Variants in ORC1 observed in about 807,000 individuals in gnomAD.
ORC1 encodes origin recognition complex subunit 1, also known as origin recognition complex, subunit 1 homolog.
ORC1 carries 61 observed loss-of-function variants against 98.9 expected under a neutral mutation model. The ratio of observed to expected loss-of-function variants is 0.62; its 90% CI spans 0.50 to 0.76. The LOEUF (loss-of-function observed/expected upper bound fraction) is 0.76, where lower values mean the gene tolerates loss of function less well. ORC1 is among the 30% of genes least tolerant of loss of function. The probability of loss-of-function intolerance (pLI) is 0.00; values close to 1 mark genes in which losing one functional copy is unlikely to be tolerated. For synonymous variants in ORC1, 385 were observed against 406.9 expected (o/e 0.95, Z 0.65); for missense variants, 979 against 1,072.2 (o/e 0.91, Z 1.21).
In ORC1 at chr1:52,388,443, CTCT is replaced by C. The variant is rs759670684; in HGVS notation, c.1379_1381del (p.Lys460del). 5.0e-6 allele frequency: 8 copies of C among 1,612,660 alleles called. No individual in the cohort carries two copies. The highest frequency in any genetic ancestry group is 2.7e-5 in the African/African-American group (2 of 74,922). ...GAAGTAAACCTAGAAGAACCTTACA[CTCT>C]TCTTTGGCACCTTCGTGAGGGTATG... On this transcript the variant is annotated inframe_deletion and splice_region_variant, in exon 8 of 17. Transcript: ENST00000371568.
At chr1:52,374,629 C>A (rs12046402) in intron 16 of ORC1, among the ~76,000 whole-genome samples, 181 bp downstream of exon 16, 5 of 152,188 alleles carry the variant, frequency 3.3e-5, no homozygotes, top group Non-Finnish European at 7.3e-5. Context: ...AGAAACCAGT[C>A]GCTAAAGGTC....
In ORC1 at chr1:52,388,541, T is replaced by G. The variant is rs776642973; in HGVS notation, c.1284A>C (p.Thr428=). The G allele has an allele frequency of 6.2e-7, 1 of 1,613,944 alleles. No homozygotes were observed. The highest frequency in any genetic ancestry group is 8.5e-7 in the Non-Finnish European group (1 of 1,179,836). ...TGGGTGCTCTCCTTGGAAGGGGCGG[T>G]GTGGAAGCCTCTTCTTCGTCACTGC... The part of the protein sequence containing the change: ...DSSSDEEEAS[T]PPLPRRAPRT... Residue 428 remains threonine (T), a synonymous_variant, in exon 8 of 17, where the codon ACA becomes ACC. Transcript: ENST00000371568.
intron 13 of ORC1, 44 bp downstream of exon 13, chr1:52,383,376 T>C (rs773578632): frequency 1.6e-5 from 26 of 1,610,264 alleles, no homozygotes; most frequent in Non-Finnish European, 9.3e-6. Context: ...TTGGCCAAGC[T>C]TACAGATCTG....
At chr1:52,375,336 T>C in intron 15 of ORC1, 94 bp downstream of exon 15, 1 of 1,079,900 alleles carries the variant, frequency 9.3e-7, no homozygotes. Flanking sequence ...CATAACTGTG[T>C]TATTAATAAG....
intron 13 of ORC1, 74 bp downstream of exon 13, chr1:52,383,346 G>A (rs1417300159): frequency 1.3e-6 from 2 of 1,578,784 alleles, no homozygotes; most frequent in African/African-American, 2.7e-5. Context: ...ACCACACCTG[G>A]ACCATTTTTG....
intron 14 of ORC1, among the ~76,000 whole-genome samples, chr1:52,376,534 C>T (rs1646997456): frequency 6.6e-6 from 1 of 151,970 alleles, no homozygotes; most frequent in African/African-American, 2.4e-5. Flanking sequence ...TAACCCAGGA[C>T]ACAAACATGA....
rs565934101 is a variant in ORC1 at position 52,387,021 on chromosome 1, T to C, written c.1384-1072A>G. Among the ~76,000 whole-genome samples, 13 of 152,312 alleles carry C rather than the reference T, an allele frequency of 8.5e-5. No homozygotes were observed. The South Asian group carries it at 2.1e-3, about 24-fold the overall frequency. On this transcript the variant is annotated intron_variant, in intron 8 of 16. Coordinates refer to ENST00000371568, the MANE Select transcript of ORC1 (RefSeq NM_004153.4). ...AAACAGAAAAGTGTTGACAAGGCCTTGCTGAGAAGGTATCAAGAAACCTGA... is the reference window on the plus strand; with the variant it reads ...AAACAGAAAAGTGTTGACAAGGCCTCGCTGAGAAGGTATCAAGAAACCTGA...
intron 5 of ORC1, among the ~76,000 whole-genome samples, chr1:52,395,280 A>G (rs1199354818): frequency 6.6e-6 from 1 of 152,208 alleles, no homozygotes; most frequent in Non-Finnish European, 1.5e-5. Flanking sequence ...GTGTGTCTGC[A>G]TATAGGTATA....
At chr1:52,378,084 C>T (rs1165057624) in intron 14 of ORC1, among the ~76,000 whole-genome samples, 1 of 152,172 alleles carries the variant, frequency 6.6e-6, no homozygotes, top group East Asian at 1.9e-4. Flanking sequence ...CGGTGGCTCA[C>T]GCCTGTAATC....
intron 6 of ORC1, among the ~76,000 whole-genome samples, chr1:52,392,318 T>C (rs1343413963): frequency 5.9e-5 from 9 of 152,104 alleles, no homozygotes; most frequent in East Asian, 1.9e-4. Context: ...TTAGTAGAGA[T>C]AGGGTTTCAC....
intron 14 of ORC1, among the ~76,000 whole-genome samples, chr1:52,381,159 G>A (rs116576281): frequency 0.01 from 1,523 of 152,148 alleles, 21 homozygotes; most frequent in African/African-American, 0.035. Context: ...GGAGGAGAGG[G>A]GCATCTAATA....
intron 11 of ORC1, 36 bp downstream of exon 11, chr1:52,384,514 C>G: frequency 6.3e-7 from 1 of 1,596,800 alleles, no homozygotes; most frequent in South Asian, 1.1e-5. Context: ...CACGAAGAAA[C>G]AGCATTTTCC....
At chr1:52,408,579 A>G, upstream of ORC1, 1 of 1,614,194 alleles carries the variant, frequency 6.2e-7, no homozygotes, top group Non-Finnish European at 8.5e-7. Context: ...GTATGTCCGC[A>G]TGCTGGGGGC....
chr1:52,397,114 C>G (rs188126455), intron 4 of ORC1, among the ~76,000 whole-genome samples: 4 of 152,160 alleles, frequency 2.6e-5, no homozygotes, highest in South Asian at 2.1e-4. Context: ...TCATGCCAGA[C>G]GAGAGTCTCT....
chr1:52,374,310 A>G (rs184942049), intron 16 of ORC1, among the ~76,000 whole-genome samples: 147 of 152,368 alleles, frequency 9.6e-4, no homozygotes, highest in African/African-American at 3.3e-3. Context: ...TGTCTAAAAC[A>G]TACATACACA....
At position 52,374,898 on chromosome 1, in the gene ORC1, C is replaced by A; in HGVS notation, c.2304-1G>T. On this transcript the variant is annotated splice_acceptor_variant, in intron 15 of 16. Transcript: ENST00000371568. LOFTEE classifies it high-confidence loss of function. ...GCTCTGTTCCAGAACAGAGGAATTT[C>A]TTAAAGGAAACGAGGGGATGTGAGT... 1 of 1,609,512 alleles carries A rather than the reference C, an allele frequency of 6.2e-7. No individual in the cohort carries two copies. Among genetic ancestry groups the A allele is most frequent in the Non-Finnish European group, 8.5e-7 (1 of 1,175,830 alleles).
At chr1:52,395,950 G>A in intron 5 of ORC1, 96 bp downstream of exon 5, 1 of 1,561,800 alleles carries the variant, frequency 6.4e-7, no homozygotes, top group Admixed American at 1.9e-5. Flanking sequence ...ATAGTGCACT[G>A]TGATCACTAA....
intron 14 of ORC1, among the ~76,000 whole-genome samples, chr1:52,375,928 G>C (rs1265920100): frequency 4.6e-5 from 7 of 152,164 alleles, no homozygotes; most frequent in East Asian, 1.9e-4. Flanking sequence ...TCCTTGCATA[G>C]AGACAGACGT....
chr1:52,384,623 G>C lies in ORC1; in HGVS notation c.1682C>G (p.Pro561Arg), dbSNP rs34094027. ...ATTGACCTCAATGTATTGAAAGGGAGGAACATCATTGGCTTGGGCTGCCTG... is the reference window on the plus strand; with the variant it reads ...ATTGACCTCAATGTATTGAAAGGGACGAACATCATTGGCTTGGGCTGCCTG... ...LQQAAQANDV[P>R]PFQYIEVNGM... Residue 561 changes from proline (P) to arginine (R), a missense_variant, in exon 11 of 17, where the codon CCT becomes CGT. Physicochemically the swap from Pro to Arg is moderately radical, Grantham distance 103. Coordinates refer to ENST00000371568, the MANE Select transcript of ORC1 (RefSeq NM_004153.4). 1.9e-5 allele frequency: 30 copies of C among 1,613,884 alleles called. No individual in the cohort carries two copies. The African/African-American group carries it at 2.5e-4, about 14-fold the overall frequency.
Sources: gnomAD v4.1 joint callset for allele counts (sites outside exome capture counted in the v4.1 genomes callset) on GRCh38, gnomAD v4.1.1 for gene constraint, MANE v1.5 for transcripts, NCBI Gene and HGNC (gene_info 2026-07-23, HGNC 2026-07-21) for gene names.